The following TBK1 variants were observed in gnomAD, a reference collection of about 807,000 sequenced individuals.
The protein encoded by TBK1 is serine/threonine-protein kinase TBK1.
A neutral mutation model predicts 99.9 loss-of-function variants in TBK1; 37 were observed. The ratio of observed to expected loss-of-function variants is 0.37; its 90% CI spans 0.28 to 0.49. The LOEUF (loss-of-function observed/expected upper bound fraction) is 0.49, where lower values mean the gene tolerates loss of function less well. Among genes scored for constraint, TBK1 ranks in the 20% least tolerant of loss-of-function variants. The probability of loss-of-function intolerance (pLI) is 0.98; values close to 1 mark genes in which losing one functional copy is unlikely to be tolerated. For synonymous variants in TBK1, 258 were observed against 279.8 expected (o/e 0.92, Z 0.78); for missense variants, 644 against 872.5 (o/e 0.74, Z 3.30).
At chr12:64,495,236 G>T in intron 13 of TBK1, 1 of 317,736 alleles carries the variant, frequency 3.1e-6, no homozygotes, top group Non-Finnish European at 5.8e-6. Context: ...GTTTTAGAAG[G>T]GTGTTTACTG....
intron 7 of TBK1, 63 bp downstream of exon 7, chr12:64,480,185 G>GGC: frequency 8.7e-7 from 1 of 1,150,428 alleles, no homozygotes; most frequent in Non-Finnish European, 1.3e-6. Flanking sequence ...TTGTTGCCTA[G>GGC]AACCACAGAT....
chr12:64,476,094 G>C (rs1453787491), intron 6 of TBK1, among the ~76,000 whole-genome samples: 1 of 148,522 alleles, frequency 6.7e-6, no homozygotes, highest in Non-Finnish European at 1.5e-5. Context: ...GTTTTGATTT[G>C]CATCTCTTTG....
At chr12:64,483,094 G>T (rs1022992805) in intron 8 of TBK1, among the ~76,000 whole-genome samples, 2 of 152,158 alleles carry the variant, frequency 1.3e-5, no homozygotes, top group African/African-American at 4.8e-5. Flanking sequence ...AGCTCACCCA[G>T]TGTGATTATC....
Position 64,501,664 on chromosome 12 carries a change from C to G in TBK1, c.*283C>G, listed in dbSNP as rs980635200. ...ACCAATATGTTGACATACTGATCCTCTACTCTGAGTGGGGCTAAATAAGTT... is the reference window on the plus strand; with the variant it reads ...ACCAATATGTTGACATACTGATCCTGTACTCTGAGTGGGGCTAAATAAGTT... On this transcript the variant is annotated 3_prime_UTR_variant, in exon 21 of 21. Coordinates refer to ENST00000331710, the MANE Select transcript of TBK1 (RefSeq NM_013254.4). 8.1e-5 allele frequency: 25 copies of G among 308,170 alleles called. No individual in the cohort carries two copies. Among genetic ancestry groups the G allele is most frequent in the African/African-American group, 5.5e-4 (25 of 45,510 alleles). The allele number at this position is 308,170 out of a possible 1,614,324, so 19.1% of individuals were successfully genotyped here. A position where few individuals can be genotyped will look rare whatever the true frequency, so the allele number is the denominator to read the frequency against.
intron 6 of TBK1, among the ~76,000 whole-genome samples, chr12:64,476,100 C>G (rs2040709446): frequency 6.9e-6 from 1 of 144,316 alleles, no homozygotes; most frequent in African/African-American, 2.6e-5. Flanking sequence ...ATTTGCATCT[C>G]TTTGATGATT....
intron 5 of TBK1, 142 bp downstream of exon 5, chr12:64,467,224 C>T (rs1212386192): frequency 3.3e-6 from 2 of 602,462 alleles, no homozygotes; most frequent in African/African-American, 1.9e-5. Flanking sequence ...ATATGTGCAA[C>T]ATGGGAATTA....
At chr12:64,470,547 T>TGTATATAG (rs1343132419) in intron 5 of TBK1, among the ~76,000 whole-genome samples, 1 of 152,186 alleles carries the variant, frequency 6.6e-6, no homozygotes, top group African/African-American at 2.4e-5. Context: ...TAAAAGTAAA[T>TGTATATAG]TTAAATATAG....
intron 1 of TBK1, among the ~76,000 whole-genome samples, chr12:64,454,078 AAG>A (rs1330378648): frequency 6.6e-6 from 1 of 152,212 alleles, no homozygotes; most frequent in African/African-American, 2.4e-5. Context: ...GAAGGAAACA[AAG>A]TAATTTTTCC....
chr12:64,470,408 A>G (rs745513417), intron 5 of TBK1, among the ~76,000 whole-genome samples: 3 of 152,334 alleles, frequency 2.0e-5, no homozygotes, highest in Non-Finnish European at 2.9e-5. Context: ...TTGCAGCTAT[A>G]TGTAATACTA....
intron 3 of TBK1, among the ~76,000 whole-genome samples, chr12:64,461,734 G>A (rs898060902): frequency 2.6e-5 from 4 of 152,174 alleles, no homozygotes; most frequent in African/African-American, 4.8e-5. Flanking sequence ...CATCCCAGCC[G>A]GCTACAAATG....
At chr12:64,465,264 A>AAAAAAAAAG (rs1555202820) in intron 4 of TBK1, among the ~76,000 whole-genome samples, 3 of 150,522 alleles carry the variant, frequency 2.0e-5, no homozygotes, top group Admixed American at 6.6e-5. Context: ...AAAAAAAAAA[A>AAAAAAAAAG]CAAGTGTTGG....
chr12:64,466,429 T>TA (rs541243461), intron 4 of TBK1, among the ~76,000 whole-genome samples: 161 of 152,268 alleles, frequency 1.1e-3, no homozygotes, highest in Middle Eastern at 3.4e-3. Flanking sequence ...GTTTGACACT[T>TA]TGCTGTTTTT....
chr12:64,475,260 A>AT (rs879489772), intron 6 of TBK1, among the ~76,000 whole-genome samples: 7 of 151,724 alleles, frequency 4.6e-5, no homozygotes, highest in Admixed American at 1.3e-4. Flanking sequence ...TATTGTCACA[A>AT]TTTTTTTTTA....
At chr12:64,466,328 A>C (rs77327906) in intron 4 of TBK1, among the ~76,000 whole-genome samples, 2,213 of 152,284 alleles carry the variant, frequency 0.015, 42 homozygotes, top group African/African-American at 0.049. Flanking sequence ...ATTTCAGCAA[A>C]GTAGACAACT....
rs183140158 is a variant in TBK1 at position 64,456,177 on chromosome 12, G to C, written c.87+220G>C. On this transcript the variant is annotated intron_variant, in intron 2 of 20. Coordinates refer to ENST00000331710, the MANE Select transcript of TBK1 (RefSeq NM_013254.4). Reference sequence around the variant, plus strand: ...AAGTGTTAGTGAGTGGAGGAAAACAGATTGGTTGAAAATGGACTGGGAAAG... The same window carrying C: ...AAGTGTTAGTGAGTGGAGGAAAACACATTGGTTGAAAATGGACTGGGAAAG... 2.0e-5 allele frequency among the ~76,000 whole-genome samples: 3 copies of C among 152,322 alleles called. No homozygotes were observed. The East Asian group carries it at 5.8e-4, about 29-fold the overall frequency.
At chr12:64,474,166 C>A in intron 5 of TBK1, 64 bp from the exon 6 acceptor site, 1 of 1,416,526 alleles carries the variant, frequency 7.1e-7, no homozygotes, top group Non-Finnish European at 9.6e-7. Flanking sequence ...ATTGAGTATC[C>A]ATTTGTTTGT....
At chr12:64,494,622 T>A (rs918638925) in intron 13 of TBK1, among the ~76,000 whole-genome samples, 4 of 152,164 alleles carry the variant, frequency 2.6e-5, no homozygotes, top group African/African-American at 9.7e-5. Flanking sequence ...AAAAAATAGA[T>A]GAGCACAGAA....
rs928793732 is a variant in TBK1, at chr12:64,484,422, C to T, written c.1112C>T (p.Pro371Leu). Residue 371 changes from proline to leucine, a missense_variant, in exon 9 of 21, where the codon CCT becomes CTT. Coordinates refer to ENST00000331710, the MANE Select transcript of TBK1 (RefSeq NM_013254.4). ...CCTGGAAGGCTGGCACAACATTTCC[C>T]TAAAACTACTGAGGAAAACCCTATA... ...LEPGRLAQHF[P>L]KTTEENPIFV... 7 of 1,613,946 alleles carry T rather than the reference C, an allele frequency of 4.3e-6. No individual in the cohort carries two copies. In the African/African-American group the frequency reaches 8.0e-5, roughly 18 times the overall value.
At chr12:64,469,288 A>G (rs1032445239) in intron 5 of TBK1, among the ~76,000 whole-genome samples, 3 of 152,062 alleles carry the variant, frequency 2.0e-5, no homozygotes, top group East Asian at 3.9e-4. Flanking sequence ...CTCCACGTGA[A>G]TGTAAGCTCC....
Sources: allele counts gnomAD v4.1 joint callset (sites outside exome capture counted in the v4.1 genomes callset), GRCh38; gene constraint gnomAD v4.1.1; transcripts MANE v1.5; gene names NCBI Gene and HGNC (gene_info 2026-07-23, HGNC 2026-07-21).